Variants in GALNT17 observed in about 807,000 individuals in gnomAD.
GALNT17 encodes the protein polypeptide N-acetylgalactosaminyltransferase 17, also known as UDP-GalNAc:polypeptide N-acetylgalactosaminyltransferase-like 3.
Under a neutral mutation model 63.7 loss-of-function variants are expected in GALNT17, and 29 were observed. That is an observed-to-expected ratio of 0.46 (90% CI 0.34 to 0.62). The LOEUF (loss-of-function observed/expected upper bound fraction) is 0.62. Ranked by LOEUF, GALNT17 falls within the 20% of genes least tolerant of loss-of-function variation. GALNT17 has a pLI of 0.01. For synonymous variants in GALNT17, 305 were observed against 318.3 expected, an observed-to-expected ratio of 0.96 and a Z score of 0.45; for missense variants, 603 against 799.6, an observed-to-expected ratio of 0.75 and a Z score of 2.97.
intron 3 of GALNT17, among the ~76,000 whole-genome samples, chr7:71,389,443 C>T (rs544856620): frequency 3.3e-5 from 5 of 152,132 alleles, no homozygotes; most frequent in African/African-American, 1.2e-4. Flanking sequence ...CTGGTTGCAA[C>T]CTTTTTATGA....
intron 1 of GALNT17, among the ~76,000 whole-genome samples, chr7:71,168,536 C>T (rs1788487397): frequency 6.6e-6 from 1 of 152,028 alleles, no homozygotes; most frequent in South Asian, 2.1e-4. Context: ...CGCACCATTG[C>T]ACTCCAGCCT....
At chr7:71,164,716 A>C (rs889157847) in intron 1 of GALNT17, among the ~76,000 whole-genome samples, 1 of 152,202 alleles carries the variant, frequency 6.6e-6, no homozygotes. Context: ...TGTGCATGTG[A>C]CAAGGTACTT....
intron 1 of GALNT17, among the ~76,000 whole-genome samples, chr7:71,195,230 T>A (rs1387399224): frequency 6.6e-6 from 1 of 152,206 alleles, no homozygotes; most frequent in East Asian, 1.9e-4. Context: ...TTATTTATTT[T>A]TTTCAGATGA....
rs115376759 is a variant in GALNT17 at position 71,313,651 on chromosome 7, C to T, written c.239-21899C>T. ...TTTTTGACCTTAAAAAATGGTGAGC[C>T]ATAGCTCAGTAAAAGCTCATTAGGG... is the stretch of plus-strand genomic sequence containing the variant. On this transcript the variant is annotated intron_variant, in intron 1 of 10. Coordinates refer to ENST00000333538, the MANE Select transcript of GALNT17 (RefSeq NM_022479.3). 4.1e-3 allele frequency among the ~76,000 whole-genome samples: 625 copies of T among 152,280 alleles called. 6 individuals carry two copies. Among genetic ancestry groups the T allele is most frequent in the Middle Eastern group, 0.014 (4 of 294 alleles).
chr7:71,245,424 T>C (rs61139297), intron 1 of GALNT17, among the ~76,000 whole-genome samples: 2,526 of 152,314 alleles, frequency 0.017, 88 homozygotes, highest in African/African-American at 0.057. Context: ...TGGAGTAGTC[T>C]ATGCTCATGG....
At chr7:71,319,268 T>G (rs1791561259) in intron 1 of GALNT17, among the ~76,000 whole-genome samples, 3 of 152,110 alleles carry the variant, frequency 2.0e-5, no homozygotes, top group African/African-American at 7.2e-5. Flanking sequence ...TTGTTCTCTC[T>G]TGAATCTACC....
intron 5 of GALNT17, among the ~76,000 whole-genome samples, chr7:71,545,094 T>C (rs999301136): frequency 6.6e-6 from 1 of 152,156 alleles, no homozygotes. Context: ...TTATATCGTT[T>C]TCATATTTTC....
intron 5 of GALNT17, among the ~76,000 whole-genome samples, chr7:71,435,743 G>A (rs1786947871): frequency 1.3e-5 from 2 of 152,102 alleles, no homozygotes. Flanking sequence ...TCCCCAGCCA[G>A]GCGCAATGGC....
chr7:71,197,195 T>C (rs1005105094), intron 1 of GALNT17, among the ~76,000 whole-genome samples: 55 of 87,024 alleles, frequency 6.3e-4, no homozygotes, highest in African/African-American at 2.9e-3. Flanking sequence ...TGTTGTGCTT[T>C]TTTTTTTTTT....
chr7:71,603,283 T>G (rs1377548992), intron 6 of GALNT17, among the ~76,000 whole-genome samples: 1 of 151,718 alleles, frequency 6.6e-6, no homozygotes, highest in Non-Finnish European at 1.5e-5. Flanking sequence ...GTGCATACAC[T>G]GGATACTATG....
chr7:71,414,073 C>T (rs143996427), intron 3 of GALNT17, among the ~76,000 whole-genome samples: 1 of 151,950 alleles, frequency 6.6e-6, no homozygotes, highest in South Asian at 2.1e-4. Context: ...GAAACCCCAT[C>T]TCTACTAAAA....
chr7:71,444,979 C>G (rs1787134102), intron 5 of GALNT17, among the ~76,000 whole-genome samples: 1 of 152,044 alleles, frequency 6.6e-6, no homozygotes. Flanking sequence ...GGAATATTCT[C>G]CAAAGCGGTG....
chr7:71,513,338 C>T (rs1788393444), intron 5 of GALNT17, among the ~76,000 whole-genome samples: 1 of 152,122 alleles, frequency 6.6e-6, no homozygotes, highest in Admixed American at 6.6e-5. Flanking sequence ...GAACGATTAT[C>T]AACTCATGGC....
At chr7:71,347,218 G>A (rs1792111931) in intron 2 of GALNT17, among the ~76,000 whole-genome samples, 1 of 152,112 alleles carries the variant, frequency 6.6e-6, no homozygotes, top group Non-Finnish European at 1.5e-5. Flanking sequence ...AAACCTTCAT[G>A]AGAGAGTTAT....
At chr7:71,207,539 G>A (rs966823135) in intron 1 of GALNT17, among the ~76,000 whole-genome samples, 5 of 152,128 alleles carry the variant, frequency 3.3e-5, no homozygotes, top group Admixed American at 6.6e-5. Context: ...CAAAGTGGAG[G>A]GTAAGGATGA....
chr7:71,220,797 T>A (rs1035034200), intron 1 of GALNT17, among the ~76,000 whole-genome samples: 9 of 152,036 alleles, frequency 5.9e-5, no homozygotes, highest in African/African-American at 2.2e-4. Flanking sequence ...AGGAGAGACG[T>A]CTCAGAATGA....
rs147810329 is a variant in GALNT17, at chr7:71,662,332, A to ATCTATCTATCTATCTG, written c.1081-3076_1081-3075insATCTATCTATCTGTCT. On this transcript the variant is annotated intron_variant, in intron 6 of 10. Coordinates refer to ENST00000333538, the MANE Select transcript of GALNT17 (RefSeq NM_022479.3). ...CATCTCTCTGTTTATCTATCTATCT[A>ATCTATCTATCTATCTG]TCTGTCTGTCTGTCTGTCTGTCTAT... Among the ~76,000 whole-genome samples, 173 of 151,228 alleles carry ATCTATCTATCTATCTG rather than the reference A, an allele frequency of 1.1e-3. 3 individuals are homozygous for ATCTATCTATCTATCTG. The East Asian group carries it at 0.02, about 17-fold the overall frequency.
chr7:71,657,681 G>A (rs1790848465), intron 6 of GALNT17, among the ~76,000 whole-genome samples: 1 of 152,166 alleles, frequency 6.6e-6, no homozygotes, highest in Non-Finnish European at 1.5e-5. Context: ...TCACAACCCT[G>A]GAAATGATAT....
chr7:71,464,531 G>T (rs1462673179), intron 5 of GALNT17, among the ~76,000 whole-genome samples: 1 of 152,276 alleles, frequency 6.6e-6, no homozygotes, highest in Admixed American at 6.5e-5. Context: ...GAAACAGAAA[G>T]AAGCTGTCAT....
Sources: allele counts gnomAD v4.1 joint callset (sites outside exome capture counted in the v4.1 genomes callset), GRCh38; gene constraint gnomAD v4.1.1; transcripts MANE v1.5; gene names NCBI Gene and HGNC (gene_info 2026-07-23, HGNC 2026-07-21).